SCN1A: variants seen among roughly 807,000 people sequenced by gnomAD.
SCN1A encodes sodium channel protein type 1 subunit alpha.
A neutral mutation model predicts 193.7 loss-of-function variants in SCN1A; 13 were observed. The ratio of observed to expected loss-of-function variants is 0.07; its 90% confidence interval spans 0.04 to 0.11. The LOEUF is 0.11. Among genes scored for constraint, SCN1A ranks in the 10% least tolerant of loss-of-function variants. SCN1A has a pLI of 1.00. For missense variants in SCN1A, 1,432 were observed against 2,451.1 expected (o/e 0.58, Z 8.78); for synonymous variants, 781 against 843.6 (o/e 0.93, Z 1.29).
intron 2 of SCN1A, among the ~76,000 whole-genome samples, chr2:166,094,129 A>G (rs1166798458): frequency 1.3e-5 from 2 of 152,222 alleles, no homozygotes; most frequent in Non-Finnish European, 2.9e-5. Context: ...CCAGAGATCT[A>G]TGTTATGAAG....
At chr2:166,012,359 T>A in intron 21 of SCN1A, 77 bp from the exon 22 acceptor site, 1 of 1,150,334 alleles carries the variant, frequency 8.7e-7, no homozygotes, top group Non-Finnish European at 1.3e-6. Context: ...ATTAATCATA[T>A]GCATATGACA....
intron 2 of SCN1A, among the ~76,000 whole-genome samples, chr2:166,081,027 G>A (rs776968419): frequency 1.8e-4 from 27 of 146,230 alleles, no homozygotes; most frequent in Non-Finnish European, 1.2e-4. Flanking sequence ...TTTTGCTTCT[G>A]GGCATTATAT....
At chr2:166,124,774 G>A (rs1691049930) in intron 2 of SCN1A, among the ~76,000 whole-genome samples, 1 of 152,160 alleles carries the variant, frequency 6.6e-6, no homozygotes, top group African/African-American at 2.4e-5. Context: ...GGTGTGGCTG[G>A]ACTGCTTGGA....
intron 2 of SCN1A, among the ~76,000 whole-genome samples, chr2:166,111,525 T>C (rs1255236067): frequency 6.6e-6 from 1 of 152,132 alleles, no homozygotes; most frequent in Non-Finnish European, 1.5e-5. Context: ...AGGAGATTAA[T>C]GTTATTTTCA....
rs1688682067 is a variant in SCN1A, at chr2:165,987,494, T to A, written c.*3751A>T. 6.6e-6 allele frequency: 1 copy of A among 152,196 alleles called. No homozygotes were observed. Among genetic ancestry groups the A allele is most frequent in the Non-Finnish European group, 1.5e-5 (1 of 68,034 alleles). 9.4% of individuals were successfully genotyped at this position (152,196 alleles called of 1,614,324 possible). Reference sequence around the variant, plus strand: ...ATTGCCAAATAGTGATTTTTCTAACTCCGTTATTTCTTCTACAATTGTTAA... The same window carrying A: ...ATTGCCAAATAGTGATTTTTCTAACACCGTTATTTCTTCTACAATTGTTAA... On this transcript the variant is annotated 3_prime_UTR_variant, in exon 29 of 29. Coordinates refer to ENST00000674923, the MANE Select transcript of SCN1A (RefSeq NM_001165963.4).
chr2:166,026,203 ATAT>A (rs1334431298), intron 19 of SCN1A, among the ~76,000 whole-genome samples: 3 of 152,116 alleles, frequency 2.0e-5, no homozygotes, highest in East Asian at 1.9e-4. Context: ...TTTGCTATTA[ATAT>A]TATCCAAAAT....
intron 12 of SCN1A, among the ~76,000 whole-genome samples, chr2:166,046,439 T>C (rs565902328): frequency 1.3e-4 from 20 of 152,180 alleles, no homozygotes; most frequent in African/African-American, 4.6e-4. Flanking sequence ...ACCAATAATT[T>C]CTTGTTCTAA....
At position 166,052,932 on chromosome 2, in the gene SCN1A, T is replaced by G; in HGVS notation, c.614A>C (p.Glu205Ala). Reference sequence around the variant, plus strand: ...CGAGACATTGCCCAGGTCCACAAACTCTGTGACGTACCTGTAATAGGGAGT... The same window carrying G: ...CGAGACATTGCCCAGGTCCACAAACGCTGTGACGTACCTGTAATAGGGAGT... Reference protein sequence around the residue: ...FTVITFAYVTEFVDLGNVSAL... With the variant: ...FTVITFAYVTAFVDLGNVSAL... Residue 205 changes from glutamate (E) to alanine (A), a missense_variant, in exon 8 of 29, where the codon GAG becomes GCG. By Grantham distance (107) the Glu-to-Ala change is moderately radical. Transcript: ENST00000674923. The G allele has an allele frequency of 6.2e-7, 1 of 1,612,256 alleles. No individual in the cohort carries two copies. Among genetic ancestry groups the G allele is most frequent in the Non-Finnish European group, 8.5e-7 (1 of 1,178,958 alleles).
intron 2 of SCN1A, among the ~76,000 whole-genome samples, chr2:166,091,418 A>G (rs1250913194): frequency 1.3e-5 from 2 of 152,188 alleles, no homozygotes; most frequent in African/African-American, 4.8e-5. Context: ...GGTCCTCACA[A>G]GAGGGATTTA....
At chr2:166,027,261 T>C (rs1694919959) in intron 19 of SCN1A, 1 of 152,204 alleles carries the variant, frequency 6.6e-6, no homozygotes, top group African/African-American at 2.4e-5. Context: ...AGTGGATTTA[T>C]GCAAATTTCT....
intron 8 of SCN1A, 26 bp downstream of exon 8, chr2:166,052,826 G>T: frequency 1.3e-6 from 2 of 1,553,820 alleles, no homozygotes; most frequent in Non-Finnish European, 1.8e-6. Context: ...TGATGGGTCC[G>T]TCTCATTATC....
chr2:166,011,272 C>CT (rs1692410795), intron 22 of SCN1A, among the ~76,000 whole-genome samples: 1 of 151,084 alleles, frequency 6.6e-6, no homozygotes, highest in Non-Finnish European at 1.5e-5. Flanking sequence ...GGGTTAGTAT[C>CT]TTTTTGGGGT....
intron 10 of SCN1A, 142 bp downstream of exon 10, chr2:166,048,744 T>A (rs1238571504): frequency 1.5e-6 from 1 of 657,398 alleles, no homozygotes; most frequent in African/African-American, 1.8e-5. Flanking sequence ...TCTCATACTT[T>A]ATCAAAAACC....
chr2:165,997,937 C>T (rs986844472), intron 26 of SCN1A, 101 bp downstream of exon 26: 21 of 872,052 alleles, frequency 2.4e-5, no homozygotes, highest in Non-Finnish European at 3.4e-5. Context: ...ATAATATATA[C>T]TCCCATTTTG....
At chr2:166,101,779 A>G (rs1688110293) in intron 2 of SCN1A, among the ~76,000 whole-genome samples, 2 of 152,220 alleles carry the variant, frequency 1.3e-5, no homozygotes, top group South Asian at 2.1e-4. Flanking sequence ...AAACCCTAGA[A>G]GAAAACTAAG....
rs1688669345 is a variant in SCN1A at position 165,987,265 on chromosome 2, T to C, written c.*3980A>G. 1.3e-5 allele frequency: 2 copies of C among 152,162 alleles called. No individual in the cohort carries two copies. The highest frequency in any genetic ancestry group is 4.8e-5 in the African/African-American group (2 of 41,462). 9.4% of individuals were successfully genotyped at this position (152,162 alleles called of 1,614,324 possible). A position where few individuals can be genotyped will look rare whatever the true frequency, so the allele number is the denominator to read the frequency against. ...ATATCTTATCAGGAGGCACATAGTA[T>C]CAGTTGGTCTCATAATTGATGATAT... On this transcript the variant is annotated 3_prime_UTR_variant, in exon 29 of 29. Transcript: ENST00000674923.
At chr2:166,141,914 A>G (rs937682800) in intron 1 of SCN1A, among the ~76,000 whole-genome samples, 1 of 133,868 alleles carries the variant, frequency 7.5e-6, no homozygotes, top group Non-Finnish European at 1.6e-5. Flanking sequence ...GCACCATTTT[A>G]TATTCCAGAA....
intron 7 of SCN1A, among the ~76,000 whole-genome samples, chr2:166,053,443 C>T (rs1698816982): frequency 6.6e-6 from 1 of 151,942 alleles, no homozygotes; most frequent in Non-Finnish European, 1.5e-5. Context: ...AATCACCCAA[C>T]AGAAATTTAG....
intron 2 of SCN1A, among the ~76,000 whole-genome samples, chr2:166,112,942 A>G (rs1250707175): frequency 6.6e-6 from 1 of 152,156 alleles, no homozygotes; most frequent in African/African-American, 2.4e-5. Context: ...TTTCTGCTAT[A>G]TGTCTCTTCC....
Sources: gnomAD v4.1 joint callset for allele counts (sites outside exome capture counted in the v4.1 genomes callset) on GRCh38, gnomAD v4.1.1 for gene constraint, MANE v1.5 for transcripts, NCBI Gene and HGNC (gene_info 2026-07-23, HGNC 2026-07-21) for gene names.